Variants in RGS6 observed in about 807,000 individuals in gnomAD.
The protein encoded by RGS6 is regulator of G protein signaling 6, also known as regulator of G-protein signaling 6.
RGS6 carries 30 observed loss-of-function variants against 78.5 expected under a neutral mutation model. The ratio of observed to expected loss-of-function variants is 0.38; its 90% CI spans 0.29 to 0.52. The LOEUF (loss-of-function observed/expected upper bound fraction) is 0.52, where lower values mean the gene tolerates loss of function less well. RGS6 is among the 20% of genes least tolerant of loss of function. RGS6 has a pLI of 0.85. For synonymous variants in RGS6, 206 were observed against 206.0 expected (o/e 1.00, Z 0.00); for missense variants, 495 against 609.7 (o/e 0.81, Z 1.98).
At chr14:71,967,295 C>T (rs1167737348) in intron 2 of RGS6, among the ~76,000 whole-genome samples, 2 of 151,894 alleles carry the variant, frequency 1.3e-5, no homozygotes, top group Non-Finnish European at 2.9e-5. Flanking sequence ...ACTTATTGCA[C>T]AGTGTGAGCT....
At chr14:72,603,305 A>G in the RGS6 span, among the ~76,000 whole-genome samples, 1 of 152,258 alleles carries the variant, frequency 6.6e-6, no homozygotes, top group Admixed American at 6.5e-5. Flanking sequence ...TAGTAACCCA[A>G]CAACAGATGG....
At chr14:71,951,522 TAACA>T (rs557812989) in intron 1 of RGS6, among the ~76,000 whole-genome samples, 77 of 152,292 alleles carry the variant, frequency 5.1e-4, no homozygotes, top group African/African-American at 1.8e-3. Context: ...TTTACCTATG[TAACA>T]AACCTGCACG....
At chr14:72,575,560 C>T in the RGS6 span, among the ~76,000 whole-genome samples, 25 of 152,244 alleles carry the variant, frequency 1.6e-4, no homozygotes, top group African/African-American at 6.0e-4. Flanking sequence ...CTTCCAGCTC[C>T]GTCCAGATTG....
At chr14:72,533,131 T>C (rs1416585374) in intron 15 of RGS6, among the ~76,000 whole-genome samples, 1 of 152,252 alleles carries the variant, frequency 6.6e-6, no homozygotes, top group Non-Finnish European at 1.5e-5. Flanking sequence ...CTAATGCAGC[T>C]GGTGACTATA....
intron 2 of RGS6, among the ~76,000 whole-genome samples, chr14:72,320,929 A>G (rs1347330025): frequency 6.7e-6 from 1 of 149,788 alleles, no homozygotes; most frequent in Non-Finnish European, 1.5e-5. Context: ...AAATTAATAT[A>G]TTTACTAAAT....
Position 72,080,114 on chromosome 14 carries a change from C to T in RGS6, c.84+115239C>T, listed in dbSNP as rs117423426. Reference sequence around the variant, plus strand: ...CTCATTTTTTGAAGGACCTTCAGACCATTTCCATAATAGCTGTACTAATGT... The same window carrying T: ...CTCATTTTTTGAAGGACCTTCAGACTATTTCCATAATAGCTGTACTAATGT... On this transcript the variant is annotated intron_variant, in intron 2 of 17. Transcript: ENST00000553525. Among the ~76,000 whole-genome samples the T allele has an allele frequency of 5.3e-5, 8 of 152,172 alleles. No homozygotes were observed. The East Asian group carries it at 9.6e-4, about 18-fold the overall frequency.
chr14:72,387,697 A>G lies in RGS6; in HGVS notation c.184+35503A>G, dbSNP rs184592854. On this transcript the variant is annotated intron_variant, in intron 3 of 17. Coordinates refer to ENST00000553525, the MANE Select transcript of RGS6 (RefSeq NM_001204424.2). ...TATTCTGTCTTCCACAAATGTGAGT[A>G]TAAGTCTTCACAGTGGGAAGTAGGA... Among the ~76,000 whole-genome samples, 122 of 152,358 alleles carry G rather than the reference A, an allele frequency of 8.0e-4. 2 individuals carry two copies. Among genetic ancestry groups the G allele is most frequent in the African/African-American group, 2.7e-3 (114 of 41,580 alleles).
At chr14:72,142,977 A>G (rs139735426) in intron 2 of RGS6, among the ~76,000 whole-genome samples, 1 of 152,244 alleles carries the variant, frequency 6.6e-6, no homozygotes, top group Non-Finnish European at 1.5e-5. Context: ...CAAAGCTCTT[A>G]CTGATATCAG....
At chr14:72,250,809 A>C (rs1024229982) in intron 2 of RGS6, among the ~76,000 whole-genome samples, 8 of 152,228 alleles carry the variant, frequency 5.3e-5, no homozygotes, top group African/African-American at 1.9e-4. Flanking sequence ...GTGTGGATTC[A>C]ATCATTTATT....
At chr14:72,471,092 G>A (rs1485811585) in intron 8 of RGS6, among the ~76,000 whole-genome samples, 2 of 152,160 alleles carry the variant, frequency 1.3e-5, no homozygotes, top group African/African-American at 4.8e-5. Flanking sequence ...CCAGATGGGG[G>A]CCCAGAGAGG....
intron 14 of RGS6, among the ~76,000 whole-genome samples, chr14:72,517,284 GCT>G (rs2096960957): frequency 6.6e-6 from 1 of 152,146 alleles, no homozygotes; most frequent in Admixed American, 6.5e-5. Context: ...GATTCCCGCT[GCT>G]CTCGGAACCA....
intron 2 of RGS6, 146 bp from the exon 3 acceptor site, chr14:72,351,949 G>A: frequency 1.6e-6 from 1 of 614,716 alleles, no homozygotes; most frequent in Non-Finnish European, 2.9e-6. Context: ...AGATACTGAT[G>A]CTGTATTTAT....
the RGS6 span, among the ~76,000 whole-genome samples, chr14:72,588,136 C>T: frequency 6.6e-6 from 1 of 152,080 alleles, no homozygotes; most frequent in Non-Finnish European, 1.5e-5. Flanking sequence ...ACCTAGGGAC[C>T]CCCATAATAT....
intron 2 of RGS6, among the ~76,000 whole-genome samples, chr14:72,063,784 G>T (rs565502512): frequency 6.6e-6 from 1 of 151,962 alleles, no homozygotes; most frequent in African/African-American, 2.4e-5. Flanking sequence ...ATAGGTGAAT[G>T]CACACACTTA....
At chr14:72,051,006 G>T (rs74063034) in intron 2 of RGS6, among the ~76,000 whole-genome samples, 4,212 of 152,154 alleles carry the variant, frequency 0.028, 182 homozygotes, top group African/African-American at 0.089. Context: ...AATTTCTGGG[G>T]TTTTTTGTTT....
chr14:72,037,929 A>G (rs983217558), intron 2 of RGS6, among the ~76,000 whole-genome samples: 2 of 150,292 alleles, frequency 1.3e-5, no homozygotes, highest in Non-Finnish European at 3.0e-5. Context: ...GTTGATCTAC[A>G]TGTTTATCTT....
chr14:72,323,727 G>C (rs542884404), intron 2 of RGS6, among the ~76,000 whole-genome samples: 321 of 141,336 alleles, frequency 2.3e-3, no homozygotes, highest in African/African-American at 7.7e-3. Context: ...GCTTGAACCT[G>C]GGAGGCGGAG....
the RGS6 span, among the ~76,000 whole-genome samples, chr14:71,912,512 TGAA>T: frequency 1.3e-5 from 2 of 152,102 alleles, no homozygotes; most frequent in Non-Finnish European, 2.9e-5. Flanking sequence ...ACCCCAAAAC[TGAA>T]GAAGGAGGAA....
At chr14:71,881,875 TC>T in the RGS6 span, among the ~76,000 whole-genome samples, 1 of 152,158 alleles carries the variant, frequency 6.6e-6, no homozygotes, top group Non-Finnish European at 1.5e-5. Context: ...CTTCTCTTCC[TC>T]CCTCCTCCCT....
Sources: allele counts gnomAD v4.1 joint callset (sites outside exome capture counted in the v4.1 genomes callset), GRCh38; gene constraint gnomAD v4.1.1; transcripts MANE v1.5; gene names NCBI Gene and HGNC (gene_info 2026-07-23, HGNC 2026-07-21).